Variants in LYPD5 observed in about 807,000 individuals in gnomAD.
LYPD5 encodes the protein LY6/PLAUR domain containing 5.
A neutral mutation model predicts 19.1 loss-of-function variants in LYPD5; 21 were observed. That is an observed-to-expected ratio of 1.10 (90% CI 0.78 to 1.58). The LOEUF (loss-of-function observed/expected upper bound fraction) is 1.58. LYPD5 is among the 40% of genes most tolerant of loss of function. The pLI is 0.00. For missense variants in LYPD5, 287 were observed against 329.8 expected (o/e 0.87, Z 1.00); for synonymous variants, 128 against 142.7 (o/e 0.90, Z 0.74).
intron 1 of LYPD5, among the ~76,000 whole-genome samples, chr19:43,820,255 C>G (rs574319656): frequency 6.6e-6 from 1 of 152,320 alleles, no homozygotes; most frequent in South Asian, 2.1e-4. Flanking sequence ...GCACACACAC[C>G]CCATTCCCTG....
intron 1 of LYPD5, among the ~76,000 whole-genome samples, chr19:43,813,462 C>T (rs1230060158): frequency 6.6e-6 from 1 of 152,152 alleles, no homozygotes; most frequent in Non-Finnish European, 1.5e-5. Context: ...AAATAACCTT[C>T]TTTCCTTATA....
At chr19:43,803,034 GAC>G (rs1970242057), upstream of LYPD5, among the ~76,000 whole-genome samples, 2 of 152,172 alleles carry the variant, frequency 1.3e-5, no homozygotes. Flanking sequence ...TACAGGGAGA[GAC>G]AGACACAAAA....
At chr19:43,819,703 T>C (rs1213537112) in intron 1 of LYPD5, among the ~76,000 whole-genome samples, 1 of 152,102 alleles carries the variant, frequency 6.6e-6, no homozygotes, top group East Asian at 1.9e-4. Context: ...ACAGGCACTC[T>C]CCCAAACCAG....
chr19:43,814,208 A>G, intron 1 of LYPD5, among the ~76,000 whole-genome samples: 1 of 151,730 alleles, frequency 6.6e-6, no homozygotes, highest in East Asian at 2.0e-4. Context: ...ATTTAAGTGA[A>G]GGGGCCAGGT....
chr19:43,808,187 C>T (rs1970287329), intron 1 of LYPD5, among the ~76,000 whole-genome samples: 1 of 152,170 alleles, frequency 6.6e-6, no homozygotes. Flanking sequence ...TCTTGACTCA[C>T]CACTGCCTCC....
intron 1 of LYPD5, among the ~76,000 whole-genome samples, chr19:43,813,027 C>T (rs1970340133): frequency 1.3e-5 from 2 of 152,172 alleles, no homozygotes; most frequent in Admixed American, 1.3e-4. Flanking sequence ...GGAATCAAGT[C>T]CCACCTCCGA....
upstream of LYPD5, among the ~76,000 whole-genome samples, chr19:43,803,863 C>T (rs1028524472): frequency 5.9e-5 from 9 of 152,024 alleles, no homozygotes; most frequent in East Asian, 1.9e-4. Context: ...TTTGAGACGG[C>T]GTCTCACTCT....
chr19:43,798,673 C>T (rs1970172051), intron 3 of LYPD5, 72 bp from the exon 4 acceptor site: 2 of 1,597,804 alleles, frequency 1.3e-6, no homozygotes, highest in African/African-American at 2.7e-5. Flanking sequence ...CGCACTGCGC[C>T]AGAGCCCGCG....
At chr19:43,799,903 C>A in intron 1 of LYPD5, 69 bp from the exon 2 acceptor site, 1 of 1,514,182 alleles carries the variant, frequency 6.6e-7, no homozygotes. Context: ...AGAGCTCCAC[C>A]CAGCAAATGA....
chr19:43,817,721 ATT>A (rs201274723), intron 1 of LYPD5, among the ~76,000 whole-genome samples: 23 of 145,804 alleles, frequency 1.6e-4, no homozygotes, highest in Non-Finnish European at 1.2e-4. Context: ...GACTTTATTT[ATT>A]TTTTTTTTTT....
In LYPD5 at chr19:43,798,873, G is replaced by A. The variant is rs1490791596; in HGVS notation, c.309C>T (p.Cys103=). 6.2e-7 allele frequency: 1 copy of A among 1,608,206 alleles called. No individual in the cohort carries two copies. The highest frequency in any genetic ancestry group is 2.2e-5 in the East Asian group (1 of 44,644). ...LPPDYSVVRG[C]TTDKCNAHLM... is the part of the protein sequence containing the mutation. ...GGTGGGCGTTGCATTTGTCAGTTGTGCAGCCGCGCACCACCGAGTAGTCTG... is the reference window on the plus strand; with the variant it reads ...GGTGGGCGTTGCATTTGTCAGTTGTACAGCCGCGCACCACCGAGTAGTCTG... Residue 103 remains cysteine, a synonymous_variant, in exon 3 of 5, where the codon TGC becomes TGT. Transcript: ENST00000377950.
intron 2 of LYPD5, 115 bp from the exon 3 acceptor site, chr19:43,799,103 T>A: frequency 9.2e-7 from 1 of 1,089,288 alleles, no homozygotes; most frequent in Non-Finnish European, 1.2e-6. Flanking sequence ...CTCCCCTCCC[T>A]CCTTCCCTCC....
intron 1 of LYPD5, 121 bp from the exon 2 acceptor site, chr19:43,799,955 G>A (rs905778073): frequency 1.7e-5 from 20 of 1,191,212 alleles, no homozygotes; most frequent in African/African-American, 7.8e-5. Flanking sequence ...GGGAAGACAC[G>A]CCTTGAGAGA....
At chr19:43,812,014 C>G (rs1599697982) in intron 1 of LYPD5, among the ~76,000 whole-genome samples, 1 of 152,146 alleles carries the variant, frequency 6.6e-6, no homozygotes, top group Non-Finnish European at 1.5e-5. Flanking sequence ...CTGTCATGTG[C>G]TTGTGGTCAG....
chr19:43,812,115 A>G (rs1970328717), intron 1 of LYPD5, among the ~76,000 whole-genome samples: 1 of 152,176 alleles, frequency 6.6e-6, no homozygotes. Context: ...CCAAATGGCT[A>G]GCTTGAACTT....
At chr19:43,812,421 T>C (rs1970334641) in intron 1 of LYPD5, among the ~76,000 whole-genome samples, 1 of 152,054 alleles carries the variant, frequency 6.6e-6, no homozygotes, top group South Asian at 2.1e-4. Context: ...TCTATCATCA[T>C]TATCATCTTT....
chr19:43,798,262 T>TGC (rs1379976064), intron 4 of LYPD5, among the ~76,000 whole-genome samples, 193 bp downstream of exon 4: 13 of 100,738 alleles, frequency 1.3e-4, no homozygotes, highest in East Asian at 4.5e-4. Context: ...CAGGGCCAAA[T>TGC]CTTCTCCCTC....
intron 1 of LYPD5, among the ~76,000 whole-genome samples, chr19:43,812,933 G>T (rs115175160): frequency 5.3e-5 from 8 of 152,138 alleles, no homozygotes; most frequent in African/African-American, 1.9e-4. Flanking sequence ...GCACACTGGC[G>T]GGAGTGTCTT....
At chr19:43,809,942 T>A (rs932495222) in intron 1 of LYPD5, among the ~76,000 whole-genome samples, 2 of 152,228 alleles carry the variant, frequency 1.3e-5, no homozygotes, top group African/African-American at 4.8e-5. Context: ...TATATGGAAG[T>A]AGAATGGTAG....
Sources: allele counts gnomAD v4.1 joint callset (sites outside exome capture counted in the v4.1 genomes callset), GRCh38; gene constraint gnomAD v4.1.1; transcripts MANE v1.5; gene names NCBI Gene and HGNC (gene_info 2026-07-23, HGNC 2026-07-21).